GRM1: variants seen among roughly 807,000 people sequenced by gnomAD.
GRM1 encodes glutamate metabotropic receptor 1.
GRM1 carries 33 observed loss-of-function variants against 90.9 expected under a neutral mutation model. The observed-to-expected ratio is 0.36, with a 90% confidence interval of 0.28 to 0.49. The LOEUF is 0.49. Among genes scored for constraint, GRM1 ranks in the 20% least tolerant of loss-of-function variants. The probability of loss-of-function intolerance (pLI) is 0.99; values close to 1 mark genes in which losing one functional copy is unlikely to be tolerated. For missense variants in GRM1, 1,190 were observed against 1,534.3 expected (o/e 0.78, Z 3.75); for synonymous variants, 700 against 613.2 (o/e 1.14, Z -2.09).
At chr6:146,351,763 C>T (rs1045555472) in intron 3 of GRM1, among the ~76,000 whole-genome samples, 12 of 150,878 alleles carry the variant, frequency 8.0e-5, no homozygotes, top group Admixed American at 2.6e-4. Context: ...TTTTGTGGCC[C>T]TAGAAATGAA....
chr6:146,224,641 G>A (rs935409563), intron 2 of GRM1, among the ~76,000 whole-genome samples: 1 of 152,054 alleles, frequency 6.6e-6, no homozygotes, highest in Admixed American at 6.6e-5. Flanking sequence ...TGTCCAGTCC[G>A]GTGTAATAGT....
intron 2 of GRM1, among the ~76,000 whole-genome samples, chr6:146,239,128 C>T (rs918917536): frequency 1.2e-4 from 18 of 152,098 alleles, no homozygotes; most frequent in Non-Finnish European, 2.4e-4. Flanking sequence ...AATATTCTTT[C>T]GTTTTAAAGA....
At chr6:146,316,078 A>G (rs1375268446) in intron 3 of GRM1, among the ~76,000 whole-genome samples, 4 of 152,156 alleles carry the variant, frequency 2.6e-5, no homozygotes, top group African/African-American at 9.7e-5. Context: ...CGTAACCTCT[A>G]AGACCCTGAC....
intron 1 of GRM1, among the ~76,000 whole-genome samples, chr6:146,099,763 T>C (rs1487737652): frequency 6.6e-6 from 1 of 152,228 alleles, no homozygotes; most frequent in African/African-American, 2.4e-5. Context: ...TACAGTGTCC[T>C]TTAAATGAAT....
chr6:146,300,209 G>C (rs1783323839), intron 2 of GRM1, among the ~76,000 whole-genome samples: 7 of 152,080 alleles, frequency 4.6e-5, no homozygotes, highest in Admixed American at 4.6e-4. Context: ...CACCTAGACT[G>C]TAATTATTTT....
chr6:146,183,654 T>A (rs1404915301), intron 2 of GRM1, among the ~76,000 whole-genome samples: 1 of 152,168 alleles, frequency 6.6e-6, no homozygotes, highest in Non-Finnish European at 1.5e-5. Flanking sequence ...TGTATTATGA[T>A]CTTAAAGTTC....
chr6:146,049,870 G>A (rs116234353), intron 1 of GRM1, among the ~76,000 whole-genome samples: 1 of 151,868 alleles, frequency 6.6e-6, no homozygotes, highest in Admixed American at 6.6e-5. Context: ...AACCCTAGAA[G>A]GTAGGTACTA....
chr6:146,230,525 A>G lies in GRM1; in HGVS notation c.950+70928A>G, dbSNP rs550050070. 2.6e-5 allele frequency among the ~76,000 whole-genome samples: 4 copies of G among 152,302 alleles called. No individual in the cohort carries two copies. The East Asian group carries it at 7.7e-4, about 29-fold the overall frequency. ...AACACTGACAACACACAATGTTGGC[A>G]AGGATGTGGAACAACAGGAACTCCC... On this transcript the variant is annotated intron_variant, in intron 2 of 7. Transcript: ENST00000282753.
At chr6:146,152,651 T>C (rs1384104011) in intron 1 of GRM1, among the ~76,000 whole-genome samples, 3 of 152,114 alleles carry the variant, frequency 2.0e-5, no homozygotes, top group African/African-American at 7.2e-5. Context: ...TTATGATGAA[T>C]AAATGAAATG....
At chr6:146,308,141 C>T (rs1783645230) in intron 3 of GRM1, among the ~76,000 whole-genome samples, 1 of 152,112 alleles carries the variant, frequency 6.6e-6, no homozygotes, top group Admixed American at 6.6e-5. Flanking sequence ...TTTTTCATTC[C>T]TGATGAGACT....
Position 146,437,153 on chromosome 6 carries a change from T to C in GRM1, c.*2357T>C, listed in dbSNP as rs1562704747. 6.6e-6 allele frequency: 1 copy of C among 152,216 alleles called. No homozygotes were observed. The highest frequency in any genetic ancestry group is 2.1e-4 in the South Asian group (1 of 4,830). 9.4% of individuals were successfully genotyped at this position (152,216 alleles called of 1,614,324 possible). A position where few individuals can be genotyped will look rare whatever the true frequency, so the allele number is the denominator to read the frequency against. Reference sequence around the variant, plus strand: ...TTCATGAGGGAAAGCATATGATCTCTTTATTAGTGAATCATGCTTATTTTT... The same window carrying C: ...TTCATGAGGGAAAGCATATGATCTCCTTATTAGTGAATCATGCTTATTTTT... On this transcript the variant is annotated 3_prime_UTR_variant, in exon 8 of 8. Transcript: ENST00000282753.
intron 2 of GRM1, among the ~76,000 whole-genome samples, chr6:146,219,907 T>G (rs1007937392): frequency 2.7e-5 from 4 of 148,402 alleles, no homozygotes; most frequent in Admixed American, 1.4e-4. Flanking sequence ...TCTTGTTGTT[T>G]TGTGTGTGTG....
At chr6:146,195,856 AG>A (rs1269560182) in intron 2 of GRM1, among the ~76,000 whole-genome samples, 1 of 152,228 alleles carries the variant, frequency 6.6e-6, no homozygotes, top group Non-Finnish European at 1.5e-5. Flanking sequence ...TTCATACAGT[AG>A]GAACACTCAT....
At position 146,344,273 on chromosome 6, in the gene GRM1, A is replaced by G. The variant is rs1056064634; in HGVS notation, c.1187-7977A>G. 5.3e-5 allele frequency among the ~76,000 whole-genome samples: 8 copies of G among 152,200 alleles called. 1 individual carries two copies. Among genetic ancestry groups the G allele is most frequent in the East Asian group, 1.9e-4 (1 of 5,196 alleles). ...ATTATTAACGCATACCCCATGAGAG[A>G]CAACTTTACTATCTATAGTGCAGTG... On this transcript the variant is annotated intron_variant, in intron 3 of 7. Transcript: ENST00000282753.
chr6:146,331,199 G>C (rs1784577482), intron 3 of GRM1, among the ~76,000 whole-genome samples: 2 of 152,158 alleles, frequency 1.3e-5, no homozygotes, highest in Non-Finnish European at 2.9e-5. Flanking sequence ...TGGATTTCCA[G>C]TCACTATTGG....
intron 5 of GRM1, among the ~76,000 whole-genome samples, chr6:146,369,257 C>A (rs554627005): frequency 2.0e-5 from 3 of 151,594 alleles, no homozygotes; most frequent in South Asian, 4.2e-4. Context: ...AAAGCTGTGT[C>A]CACTTTGTTT....
chr6:146,411,048 C>A (rs879302135), intron 7 of GRM1, among the ~76,000 whole-genome samples: 1 of 152,188 alleles, frequency 6.6e-6, no homozygotes, highest in Non-Finnish European at 1.5e-5. Context: ...ACTGGGACAA[C>A]TGCAGTGGTG....
rs1778508668 is a variant in GRM1 at position 146,434,092 on chromosome 6, G to A, written c.2881G>A (p.Glu961Lys). ...GACCCTTTACAACGTAGAGGAGGAG[G>A]AGGATGCCCAGCCGATTCGCTTTAG... The part of the protein sequence containing the change: ...TKTLYNVEEE[E>K]DAQPIRFSPP... Residue 961 changes from glutamate to lysine, a missense_variant, in exon 8 of 8, where the codon GAG becomes AAG. Physicochemically the swap from Glu to Lys is moderately conservative, Grantham distance 56. Transcript: ENST00000282753. The A allele has an allele frequency of 6.2e-7, 1 of 1,614,064 alleles. No homozygotes were observed. Among genetic ancestry groups the A allele is most frequent in the Admixed American group, 1.7e-5 (1 of 60,016 alleles).
Position 146,159,215 on chromosome 6 carries a change from G to A in GRM1, c.701-133G>A, listed in dbSNP as rs1164322111. The A allele has an allele frequency of 6.0e-6, 6 of 1,007,474 alleles. No homozygotes were observed. The Admixed American group carries it at 8.5e-5, about 14-fold the overall frequency. The allele number at this position is 1,007,474 out of a possible 1,614,324, so 62.4% of individuals were successfully genotyped here. ...TTTAATCCATCCAGATCTTCCGTCA[G>A]TCTCAGCCATATTTACAAATTATTT... On this transcript the variant is annotated intron_variant, in intron 1 of 7. Transcript: ENST00000282753.
Sources: gnomAD v4.1 joint callset for allele counts (sites outside exome capture counted in the v4.1 genomes callset) on GRCh38, gnomAD v4.1.1 for gene constraint, MANE v1.5 for transcripts, NCBI Gene and HGNC (gene_info 2026-07-23, HGNC 2026-07-21) for gene names.